Variants in UBE2H observed in about 807,000 individuals in gnomAD.
The protein encoded by UBE2H is ubiquitin-conjugating enzyme E2 H.
In UBE2H, 3 loss-of-function variants were observed where a neutral mutation model predicts 29.0. The observed-to-expected ratio is 0.10, with a 90% CI of 0.05 to 0.27. The LOEUF is 0.27. Among genes scored for constraint, UBE2H ranks in the 10% least tolerant of loss-of-function variants. UBE2H has a pLI of 1.00. For synonymous variants in UBE2H, 69 were observed against 82.9 expected, an observed-to-expected ratio of 0.83 and a Z score of 0.91; for missense variants, 68 against 228.2, an observed-to-expected ratio of 0.30 and a Z score of 4.52.
At chr7:129,900,623 A>AT (rs547670114) in intron 1 of UBE2H, among the ~76,000 whole-genome samples, 5 of 151,538 alleles carry the variant, frequency 3.3e-5, no homozygotes, top group Admixed American at 2.6e-4. Context: ...GACCATGTAA[A>AT]TTTTTTTTTA....
chr7:129,868,197 T>G (rs950795525), intron 3 of UBE2H, among the ~76,000 whole-genome samples: 1 of 151,922 alleles, frequency 6.6e-6, no homozygotes, highest in Admixed American at 6.6e-5. Flanking sequence ...CAATACAGAG[T>G]AGGAACTAAC....
At chr7:129,866,888 A>G (rs558998895) in intron 3 of UBE2H, among the ~76,000 whole-genome samples, 89 of 152,348 alleles carry the variant, frequency 5.8e-4, no homozygotes, top group African/African-American at 1.9e-3. Flanking sequence ...TTAATCGTGA[A>G]GATTAAATGA....
At chr7:129,890,466 G>A (rs1282240233) in intron 1 of UBE2H, among the ~76,000 whole-genome samples, 3 of 151,326 alleles carry the variant, frequency 2.0e-5, no homozygotes, top group East Asian at 2.0e-4. Context: ...TACAACCTCC[G>A]CCTCCCAGGT....
At chr7:129,903,256 G>C (rs954563789) in intron 1 of UBE2H, among the ~76,000 whole-genome samples, 1 of 152,200 alleles carries the variant, frequency 6.6e-6, no homozygotes, top group African/African-American at 2.4e-5. Flanking sequence ...TAAGGATGTG[G>C]CATTAAATGA....
intron 1 of UBE2H, among the ~76,000 whole-genome samples, chr7:129,897,543 A>G (rs1806623031): frequency 6.6e-6 from 1 of 152,362 alleles, no homozygotes; most frequent in African/African-American, 2.4e-5. Context: ...TTAAAGCAAT[A>G]CATGCAAAAA....
chr7:129,871,150 A>T (rs984195784), intron 3 of UBE2H, among the ~76,000 whole-genome samples: 1 of 152,310 alleles, frequency 6.6e-6, no homozygotes, highest in South Asian at 2.1e-4. Context: ...TTAAGAGAGC[A>T]ATTTGTTCAC....
intron 5 of UBE2H, among the ~76,000 whole-genome samples, chr7:129,853,600 A>C (rs1805647521): frequency 6.6e-6 from 1 of 152,226 alleles, no homozygotes; most frequent in African/African-American, 2.4e-5. Flanking sequence ...AAATAATACA[A>C]AATTAAAAAT....
At chr7:129,928,998 C>A (rs956108443) in intron 1 of UBE2H, among the ~76,000 whole-genome samples, 9 of 152,080 alleles carry the variant, frequency 5.9e-5, no homozygotes, top group African/African-American at 2.2e-4. Context: ...TGTCAATTGC[C>A]CAGAGTCAAT....
intron 1 of UBE2H, among the ~76,000 whole-genome samples, chr7:129,910,664 C>T (rs1432590013): frequency 1.3e-5 from 2 of 151,248 alleles, no homozygotes; most frequent in African/African-American, 2.4e-5. Context: ...GGCTGATTGT[C>T]TGAGGTCTGG....
chr7:129,835,706 T>C (rs778154113), intron 6 of UBE2H, among the ~76,000 whole-genome samples: 1 of 152,214 alleles, frequency 6.6e-6, no homozygotes, highest in Non-Finnish European at 1.5e-5. Context: ...ATAAGACTGC[T>C]GAAACGGCTT....
intron 1 of UBE2H, among the ~76,000 whole-genome samples, chr7:129,932,771 C>T (rs955156254): frequency 7.8e-5 from 7 of 90,266 alleles, no homozygotes; most frequent in African/African-American, 2.7e-4. Flanking sequence ...GAGACTCCGT[C>T]TCAAAAAAAA....
At chr7:129,890,802 A>C (rs1184799845) in intron 1 of UBE2H, among the ~76,000 whole-genome samples, 3 of 152,204 alleles carry the variant, frequency 2.0e-5, no homozygotes, top group Non-Finnish European at 2.9e-5. Context: ...ACCAAGTGGC[A>C]ATATATTATA....
intron 1 of UBE2H, among the ~76,000 whole-genome samples, chr7:129,890,325 A>G (rs931419021): frequency 5.3e-5 from 8 of 151,738 alleles, no homozygotes; most frequent in Non-Finnish European, 1.0e-4. Context: ...ATGTATGTAT[A>G]TATACGTGTG....
intron 1 of UBE2H, among the ~76,000 whole-genome samples, chr7:129,890,566 T>C (rs1482967213): frequency 6.6e-6 from 1 of 151,938 alleles, no homozygotes; most frequent in South Asian, 2.1e-4. Context: ...TTTTAGATTT[T>C]TGTATTTCAC....
intron 5 of UBE2H, among the ~76,000 whole-genome samples, chr7:129,854,870 C>A (rs2631604): frequency 0.96 from 146,412 of 152,220 alleles, 70,584 homozygotes; most frequent in East Asian, 1. Flanking sequence ...GCCATAAGAA[C>A]TTCCGATACA....
chr7:129,863,948 C>A (rs1805848343), intron 3 of UBE2H, among the ~76,000 whole-genome samples: 1 of 151,740 alleles, frequency 6.6e-6, no homozygotes, highest in Non-Finnish European at 1.5e-5. Context: ...GGGATTACCA[C>A]AACCAGCTAA....
intron 3 of UBE2H, among the ~76,000 whole-genome samples, chr7:129,868,933 CTCT>C (rs1161025956): frequency 1.6e-4 from 16 of 97,002 alleles, no homozygotes; most frequent in Middle Eastern, 0.012. Flanking sequence ...CTCTCTCTCT[CTCT>C]TTTTTTTTTT....
intron 1 of UBE2H, among the ~76,000 whole-genome samples, chr7:129,915,319 G>A (rs769027222): frequency 4.7e-4 from 72 of 152,028 alleles, no homozygotes; most frequent in African/African-American, 1.2e-3. Context: ...GGCAGATCAC[G>A]AGGTCAGGAG....
intron 6 of UBE2H, 94 bp downstream of exon 6, chr7:129,839,113 T>A (rs1366719275): frequency 6.5e-7 from 1 of 1,530,736 alleles, no homozygotes; most frequent in Non-Finnish European, 8.8e-7. Context: ...AGAAAAAGTA[T>A]TAGGAACTAA....
Sources: gnomAD v4.1 joint callset for allele counts (sites outside exome capture counted in the v4.1 genomes callset) on GRCh38, gnomAD v4.1.1 for gene constraint, MANE v1.5 for transcripts, NCBI Gene and HGNC (gene_info 2026-07-23, HGNC 2026-07-21) for gene names.